The following NXPE4 variants were observed in gnomAD, a reference collection of about 807,000 sequenced individuals.
The protein encoded by NXPE4 is NXPE family member 4.
Under a neutral mutation model 33.3 loss-of-function variants are expected in NXPE4, and 42 were observed. That is an observed-to-expected ratio of 1.26 (90% CI 0.98 to 1.63). NXPE4 has a LOEUF of 1.63. Ranked by LOEUF, NXPE4 falls within the 40% of genes most tolerant of loss-of-function variation. NXPE4 has a pLI of 0.00. For missense variants in NXPE4, 709 were observed against 647.6 expected, an observed-to-expected ratio of 1.09 and a Z score of -1.03; for synonymous variants, 253 against 234.9, an observed-to-expected ratio of 1.08 and a Z score of -0.71.
chr11:114,659,038 C>T, the NXPE4 span, among the ~76,000 whole-genome samples: 733 of 152,240 alleles, frequency 4.8e-3, 3 homozygotes, highest in Non-Finnish European at 8.3e-3. Flanking sequence ...CAATACTCAC[C>T]TTAAGCACCA....
upstream of NXPE4, among the ~76,000 whole-genome samples, chr11:114,596,521 C>T (rs1231728398): frequency 6.6e-6 from 1 of 152,204 alleles, no homozygotes; most frequent in Non-Finnish European, 1.5e-5. Context: ...ACCAGTTTCA[C>T]AACTGGTCTA....
the NXPE4 span, among the ~76,000 whole-genome samples, chr11:114,653,818 G>A: frequency 1.3e-5 from 2 of 151,982 alleles, no homozygotes; most frequent in Non-Finnish European, 2.9e-5. Context: ...GTGAGCCACC[G>A]CGCCTGGCCT....
chr11:114,671,685 T>G, the NXPE4 span, among the ~76,000 whole-genome samples: 1 of 152,122 alleles, frequency 6.6e-6, no homozygotes, highest in South Asian at 2.1e-4. Flanking sequence ...ACAGAGTGTT[T>G]TATCTAGCAA....
chr11:114,644,837 C>A, the NXPE4 span, among the ~76,000 whole-genome samples: 1 of 151,144 alleles, frequency 6.6e-6, no homozygotes, highest in East Asian at 1.9e-4. Context: ...AAAAAAAAAA[C>A]TGTAATTAAG....
the NXPE4 span, among the ~76,000 whole-genome samples, chr11:114,653,590 C>T: frequency 6.2e-5 from 9 of 145,802 alleles, no homozygotes; most frequent in African/African-American, 1.3e-4. Flanking sequence ...GGCAGTGGCA[C>T]GATCTCGGCT....
the NXPE4 span, among the ~76,000 whole-genome samples, chr11:114,664,149 G>T: frequency 6.6e-6 from 1 of 152,126 alleles, no homozygotes; most frequent in Non-Finnish European, 1.5e-5. Context: ...AATTAAACAA[G>T]CTGGGATATA....
At chr11:114,591,380 G>T (rs1473538963) in intron 2 of NXPE4, among the ~76,000 whole-genome samples, 1 of 152,128 alleles carries the variant, frequency 6.6e-6, no homozygotes. Flanking sequence ...GAAATTAACA[G>T]GTTATTATCC....
chr11:114,656,306 A>G, the NXPE4 span, among the ~76,000 whole-genome samples: 1 of 152,122 alleles, frequency 6.6e-6, no homozygotes, highest in African/African-American at 2.4e-5. Flanking sequence ...AAAAGCATTC[A>G]ATTCTCATGG....
In NXPE4 at chr11:114,595,186, A is replaced by C. The variant is rs565187890; in HGVS notation, c.-11+406T>G. On this transcript the variant is annotated intron_variant, in intron 1 of 5. Transcript: ENST00000375478. ...AACCACATCATTACAGTGCCTGTTG[A>C]ATGCAAATTAGTTTTTCTGTTTCAT... Among the ~76,000 whole-genome samples the C allele has an allele frequency of 3.3e-5, 5 of 152,164 alleles. No homozygotes were observed. The South Asian group carries it at 1.0e-3, about 32-fold the overall frequency.
chr11:114,626,057 G>A, the NXPE4 span, among the ~76,000 whole-genome samples: 2 of 152,202 alleles, frequency 1.3e-5, no homozygotes, highest in Admixed American at 6.5e-5. Context: ...TGCTAGCACA[G>A]CAGTCTGAGA....
the NXPE4 span, among the ~76,000 whole-genome samples, chr11:114,639,575 C>T: frequency 1.5e-3 from 219 of 150,458 alleles, no homozygotes; most frequent in African/African-American, 5.0e-3. Context: ...AGGCCGGGAG[C>T]TGTAGACTGG....
the NXPE4 span, among the ~76,000 whole-genome samples, chr11:114,661,443 T>C: frequency 2.0e-5 from 3 of 152,170 alleles, no homozygotes; most frequent in African/African-American, 7.2e-5. Context: ...CTAGGATCCA[T>C]GGTGAGCCAG....
At chr11:114,666,266 A>G in the NXPE4 span, among the ~76,000 whole-genome samples, 3 of 152,128 alleles carry the variant, frequency 2.0e-5, no homozygotes, top group Non-Finnish European at 4.4e-5. Flanking sequence ...TCCTGGGCTC[A>G]CAGCAGCATT....
At chr11:114,635,436 C>T in the NXPE4 span, among the ~76,000 whole-genome samples, 2 of 151,442 alleles carry the variant, frequency 1.3e-5, no homozygotes, top group South Asian at 4.2e-4. Context: ...TTCCTCTTTT[C>T]CTAATTGAAT....
chr11:114,631,133 G>A, the NXPE4 span, among the ~76,000 whole-genome samples: 1 of 151,974 alleles, frequency 6.6e-6, no homozygotes, highest in Non-Finnish European at 1.5e-5. Context: ...CAGGGATCTA[G>A]AACTAGAAAT....
the NXPE4 span, among the ~76,000 whole-genome samples, chr11:114,642,859 A>G: frequency 6.6e-6 from 1 of 152,046 alleles, no homozygotes; most frequent in Non-Finnish European, 1.5e-5. Context: ...ACAATGGTTG[A>G]ACTAATTTAC....
the NXPE4 span, among the ~76,000 whole-genome samples, chr11:114,618,234 G>A: frequency 1.3e-5 from 2 of 151,946 alleles, no homozygotes; most frequent in Non-Finnish European, 1.5e-5. Flanking sequence ...AGGATAATAA[G>A]GATTGTCTTA....
the NXPE4 span, among the ~76,000 whole-genome samples, chr11:114,667,052 T>G: frequency 2.6e-5 from 4 of 152,244 alleles, no homozygotes; most frequent in Admixed American, 2.6e-4. Context: ...TTTCCTTGTA[T>G]TCATGCAACA....
chr11:114,601,578 T>A, the NXPE4 span, among the ~76,000 whole-genome samples: 1 of 89,022 alleles, frequency 1.1e-5, no homozygotes, highest in African/African-American at 4.7e-5. Flanking sequence ...ATATTATAAT[T>A]ATATATTATA....
Sources: allele counts gnomAD v4.1 joint callset (sites outside exome capture counted in the v4.1 genomes callset), GRCh38; gene constraint gnomAD v4.1.1; transcripts MANE v1.5; gene names NCBI Gene and HGNC (gene_info 2026-07-23, HGNC 2026-07-21).